The following DLGAP2 variants were observed in gnomAD, a reference collection of about 807,000 sequenced individuals.
DLGAP2 encodes the protein DLG associated protein 2, also known as disks large-associated protein 2.
A neutral mutation model predicts 100.3 loss-of-function variants in DLGAP2; 26 were observed. That is an observed-to-expected ratio of 0.26 (90% CI 0.19 to 0.36). The LOEUF is 0.36. Ranked by LOEUF, DLGAP2 falls within the 10% of genes least tolerant of loss-of-function variation. DLGAP2 has a pLI of 1.00. For synonymous variants in DLGAP2, 886 were observed against 630.1 expected (o/e 1.41, Z -6.08); for missense variants, 1,858 against 1,453.2 (o/e 1.28, Z -4.53).
intron 8 of DLGAP2, among the ~76,000 whole-genome samples, chr8:1,651,935 C>T (rs9644313): frequency 0.35 from 53,264 of 152,118 alleles, 9,359 homozygotes; most frequent in Middle Eastern, 0.39. Flanking sequence ...TGAGGCAGCA[C>T]TCAGAGCCTC....
intron 5 of DLGAP2, among the ~76,000 whole-genome samples, chr8:1,559,874 G>A (rs1199218814): frequency 6.6e-6 from 1 of 152,136 alleles, no homozygotes; most frequent in Non-Finnish European, 1.5e-5. Context: ...ACCTTCTGCT[G>A]GTCCAGCTCA....
intron 3 of DLGAP2, among the ~76,000 whole-genome samples, chr8:1,317,227 G>C (rs966285197): frequency 7.2e-6 from 1 of 138,462 alleles, no homozygotes; most frequent in Non-Finnish European, 1.6e-5. Context: ...GAGACACTCG[G>C]CAGCGTTTAA....
chr8:1,202,495 A>T (rs1311525184), intron 2 of DLGAP2, among the ~76,000 whole-genome samples: 2 of 152,110 alleles, frequency 1.3e-5, no homozygotes, highest in African/African-American at 4.8e-5. Flanking sequence ...AGGAAGAAGG[A>T]GATGTCAGAC....
chr8:1,212,707 C>T (rs1798130768), intron 2 of DLGAP2, among the ~76,000 whole-genome samples: 1 of 150,666 alleles, frequency 6.6e-6, no homozygotes, highest in Non-Finnish European at 1.5e-5. Context: ...AAGAAACCTT[C>T]TTATATCTTT....
Position 1,176,237 on chromosome 8 carries a change from C to T in DLGAP2, c.74-82614C>T, listed in dbSNP as rs138489878. ...GTGGGAAATGCTGCCACTTTCAAAC[C>T]ATCAGACCTCGTGAGAATTCCCTCA... On this transcript the variant is annotated intron_variant, in intron 2 of 14. Coordinates refer to ENST00000637795, the MANE Select transcript of DLGAP2 (RefSeq NM_001346810.2). Among the ~76,000 whole-genome samples, 56 of 152,246 alleles carry T rather than the reference C, an allele frequency of 3.7e-4. No homozygotes were observed. In the East Asian group the frequency reaches 6.8e-3, roughly 18 times the overall value.
chr8:1,534,491 C>A (rs1031658762), intron 4 of DLGAP2, among the ~76,000 whole-genome samples: 1 of 152,126 alleles, frequency 6.6e-6, no homozygotes, highest in Non-Finnish European at 1.5e-5. Flanking sequence ...AATGCTTAAT[C>A]GAAAATGTAA....
chr8:960,770 T>C (rs1799707264), intron 2 of DLGAP2, among the ~76,000 whole-genome samples: 1 of 152,220 alleles, frequency 6.6e-6, no homozygotes, highest in African/African-American at 2.4e-5. Flanking sequence ...TATTGTAAGT[T>C]GAAATGCATT....
chr8:765,719 C>G (rs923626901), intron 1 of DLGAP2, among the ~76,000 whole-genome samples: 4 of 152,184 alleles, frequency 2.6e-5, no homozygotes, highest in African/African-American at 9.7e-5. Context: ...GTGCCTTCAC[C>G]TCGTTGCTCT....
intron 2 of DLGAP2, among the ~76,000 whole-genome samples, chr8:1,117,502 T>C (rs1046805035): frequency 2.0e-5 from 3 of 149,566 alleles, no homozygotes; most frequent in East Asian, 2.0e-4. Context: ...GTGGACGCTG[T>C]GTAGGACAAG....
chr8:925,661 T>G (rs1191471600), intron 2 of DLGAP2, among the ~76,000 whole-genome samples: 1 of 152,154 alleles, frequency 6.6e-6, no homozygotes, highest in Non-Finnish European at 1.5e-5. Context: ...TTTACACATA[T>G]GTAGACCCCA....
At chr8:1,434,035 A>C (rs1332003287) in intron 3 of DLGAP2, among the ~76,000 whole-genome samples, 2 of 152,086 alleles carry the variant, frequency 1.3e-5, no homozygotes. Flanking sequence ...CCCTGCAAGA[A>C]AGTGTTTTTG....
At chr8:1,547,042 G>C (rs1801565430) in intron 4 of DLGAP2, among the ~76,000 whole-genome samples, 1 of 152,138 alleles carries the variant, frequency 6.6e-6, no homozygotes, top group East Asian at 1.9e-4. Flanking sequence ...GCCGGGTCTT[G>C]GAGTGAATGC....
chr8:1,681,263 T>A (rs889163449), intron 12 of DLGAP2, among the ~76,000 whole-genome samples: 6 of 152,174 alleles, frequency 3.9e-5, no homozygotes, highest in Admixed American at 3.3e-4. Context: ...CTGTCATCAT[T>A]TTCCATGTTT....
At chr8:970,679 T>C (rs1490575966) in intron 2 of DLGAP2, among the ~76,000 whole-genome samples, 1 of 152,230 alleles carries the variant, frequency 6.6e-6, no homozygotes, top group African/African-American at 2.4e-5. Context: ...TCTGTGTCCT[T>C]AGAGACATGT....
At chr8:1,376,373 G>T (rs1299381836) in intron 3 of DLGAP2, among the ~76,000 whole-genome samples, 1 of 152,242 alleles carries the variant, frequency 6.6e-6, no homozygotes, top group Admixed American at 6.5e-5. Flanking sequence ...GGCCACGGGG[G>T]CCTGCAGAGA....
chr8:1,195,759 A>G (rs1470699608), intron 2 of DLGAP2, among the ~76,000 whole-genome samples: 1 of 152,212 alleles, frequency 6.6e-6, no homozygotes, highest in Non-Finnish European at 1.5e-5. Context: ...TCGCATCACC[A>G]TCGTTGCTCA....
intron 1 of DLGAP2, chr8:753,478 CTG>C (rs1820843108): frequency 6.6e-6 from 1 of 152,184 alleles, no homozygotes; most frequent in African/African-American, 2.4e-5. Context: ...GCAGGGATGC[CTG>C]TGAGATGGGA....
At chr8:988,053 A>G (rs1800538204) in intron 2 of DLGAP2, among the ~76,000 whole-genome samples, 1 of 152,002 alleles carries the variant, frequency 6.6e-6, no homozygotes, top group Admixed American at 6.6e-5. Flanking sequence ...TGGGGAGGAA[A>G]CTGTCTAAAG....
At chr8:1,602,907 C>T (rs1024820293) in intron 6 of DLGAP2, among the ~76,000 whole-genome samples, 2 of 152,202 alleles carry the variant, frequency 1.3e-5, no homozygotes, top group African/African-American at 2.4e-5. Flanking sequence ...CTAAAGGTGT[C>T]GAGTGCCGCG....
Sources: allele counts gnomAD v4.1 joint callset (sites outside exome capture counted in the v4.1 genomes callset), GRCh38; gene constraint gnomAD v4.1.1; transcripts MANE v1.5; gene names NCBI Gene and HGNC (gene_info 2026-07-23, HGNC 2026-07-21).